TBC1D1: variants seen among roughly 807,000 people sequenced by gnomAD.
TBC1D1 encodes the protein TBC1 (tre-2/USP6, BUB2, cdc16) domain family, member 1.
In TBC1D1, 89 loss-of-function variants were observed where a neutral mutation model predicts 125.6. That is an observed-to-expected ratio of 0.71 (90% confidence interval 0.60 to 0.85). TBC1D1 has a LOEUF of 0.85. Among genes scored for constraint, TBC1D1 ranks in the 40% least tolerant of loss-of-function variants. TBC1D1 has a pLI of 0.00. For synonymous variants in TBC1D1, 565 were observed against 564.1 expected, an observed-to-expected ratio of 1.00 and a Z score of -0.02; for missense variants, 1,377 against 1,469.2, an observed-to-expected ratio of 0.94 and a Z score of 1.03.
rs1417288005 is a variant in TBC1D1, at chr4:38,139,137, A to G, written c.*1802A>G. 6.6e-6 allele frequency: 1 copy of G among 152,574 alleles called. No homozygotes were observed. The highest frequency in any genetic ancestry group is 1.5e-5 in the Non-Finnish European group (1 of 68,026). The allele number at this position is 152,574 out of a possible 1,614,324, so 9.5% of individuals were successfully genotyped here. A position where few individuals can be genotyped will look rare whatever the true frequency, so the allele number is the denominator to read the frequency against. On this transcript the variant is annotated 3_prime_UTR_variant, in exon 20 of 20. Coordinates refer to ENST00000261439, the MANE Select transcript of TBC1D1 (RefSeq NM_015173.4). ...ATTGACTCTGCATCAAGAAAGAAACAAGAAAGCAATAAAACAAGAAATAAT... is the reference window on the plus strand; with the variant it reads ...ATTGACTCTGCATCAAGAAAGAAACGAGAAAGCAATAAAACAAGAAATAAT...
At chr4:37,980,974 ACT>A (rs1734227957) in intron 2 of TBC1D1, among the ~76,000 whole-genome samples, 2 of 151,244 alleles carry the variant, frequency 1.3e-5, no homozygotes, top group Non-Finnish European at 2.9e-5. Flanking sequence ...CCTGAGTCTC[ACT>A]CTGTCGCCCA....
chr4:38,094,875 A>G (rs1759061214), intron 13 of TBC1D1, among the ~76,000 whole-genome samples: 1 of 149,304 alleles, frequency 6.7e-6, no homozygotes, highest in African/African-American at 2.5e-5. Flanking sequence ...CATAGCCCAA[A>G]TCACAGCCAA....
intron 12 of TBC1D1, among the ~76,000 whole-genome samples, 173 bp downstream of exon 14, chr4:38,054,511 G>A (rs908821215): frequency 3.9e-5 from 6 of 152,152 alleles, no homozygotes; most frequent in Non-Finnish European, 8.8e-5. Context: ...CATTTCTTAG[G>A]GAAGGAATTT....
intron 15 of TBC1D1, among the ~76,000 whole-genome samples, chr4:38,104,649 C>T (rs940328098): frequency 2.6e-5 from 4 of 152,158 alleles, no homozygotes; most frequent in African/African-American, 7.2e-5. Flanking sequence ...CCTGCAGCCA[C>T]GACAGAGGAT....
At chr4:38,009,348 G>A (rs1187612582) in intron 2 of TBC1D1, among the ~76,000 whole-genome samples, 3 of 152,090 alleles carry the variant, frequency 2.0e-5, no homozygotes, top group African/African-American at 2.4e-5. Context: ...ATCATATAAC[G>A]GGAAAAATGC....
At position 38,014,516 on chromosome 4, in the gene TBC1D1, A is replaced by G. The variant is rs763173371; in HGVS notation, c.425A>G (p.Glu142Gly). 3 of 1,611,850 alleles carry G rather than the reference A, an allele frequency of 1.9e-6. No homozygotes were observed. Among genetic ancestry groups the G allele is most frequent in the Non-Finnish European group, 2.5e-6 (3 of 1,178,948 alleles). Residue 142 changes from glutamate to glycine, a missense_variant, in exon 3 of 20, where the codon GAG becomes GGG. Around this residue, in one of 3 missense-constraint regions of TBC1D1, gnomAD observed 822 missense variants for 824.6 expected, o/e 1.00. Transcript: ENST00000261439. This position sits in a 1 kb window ranked among gnomAD's most constrained non-coding sequence, Gnocchi z 5.1. ...GCCTCTCTCTCTCCTCAGGTGCCTG[A>G]GATCATCAGCTCCATCCGTCAGGCG...
rs1317905653 is a variant in TBC1D1 at position 38,020,091 on chromosome 4, C to CT, written c.973-500_973-499insT. Reference sequence around the variant, plus strand: ...TTTTTCTTATTGTTGTGGGAGTAATCAAAGGAACATTCTAGTAAACCAACT... The same window carrying CT: ...TTTTTCTTATTGTTGTGGGAGTAATCTAAAGGAACATTCTAGTAAACCAACT... On this transcript the variant is annotated intron_variant, in intron 4 of 19. Coordinates refer to ENST00000261439, the MANE Select transcript of TBC1D1 (RefSeq NM_015173.4). Among the ~76,000 whole-genome samples, 4 of 152,094 alleles carry CT rather than the reference C, an allele frequency of 2.6e-5. 1 individual carries two copies. Among genetic ancestry groups the CT allele is most frequent in the Non-Finnish European group, 2.9e-5 (2 of 68,016 alleles).
chr4:38,087,338 A>G (rs1001486806), intron 12 of TBC1D1, among the ~76,000 whole-genome samples: 1 of 152,216 alleles, frequency 6.6e-6, no homozygotes, highest in Non-Finnish European at 1.5e-5. Context: ...CAGAGAGTAC[A>G]TGGATCTGGG....
intron 8 of TBC1D1, among the ~76,000 whole-genome samples, chr4:38,040,529 C>T (rs980423529): frequency 1.1e-4 from 17 of 152,132 alleles, no homozygotes; most frequent in Non-Finnish European, 4.4e-5. Flanking sequence ...CCTCGTGATC[C>T]GCCTGCCTTG....
At chr4:37,898,040 T>C (rs1362199208) in intron 1 of TBC1D1, among the ~76,000 whole-genome samples, 1 of 152,236 alleles carries the variant, frequency 6.6e-6, no homozygotes, top group African/African-American at 2.4e-5. Flanking sequence ...AAAAATTAGC[T>C]ATGAGTTATG....
intron 2 of TBC1D1, among the ~76,000 whole-genome samples, chr4:37,997,631 C>T (rs560416983): frequency 6.6e-6 from 1 of 152,156 alleles, no homozygotes; most frequent in African/African-American, 2.4e-5. Flanking sequence ...AAATAACATA[C>T]TGATAAGCCC....
intron 2 of TBC1D1, among the ~76,000 whole-genome samples, chr4:37,953,024 C>T (rs918496341): frequency 6.6e-6 from 1 of 152,126 alleles, no homozygotes; most frequent in African/African-American, 2.4e-5. Flanking sequence ...TTGGATATGC[C>T]GTGTATTGTC....
rs114644640 is a variant in TBC1D1 at position 38,058,297 on chromosome 4, A to T, written c.2050+3959A>T. Among the ~76,000 whole-genome samples, 918 of 152,252 alleles carry T rather than the reference A, an allele frequency of 6.0e-3. 5 individuals carry two copies. Among genetic ancestry groups the T allele is most frequent in the South Asian group, 0.013 (65 of 4,822 alleles). ...TCCACTGTGGTCTGTGACCACTTTG[A>T]CCCACACTAGCAGGTCTCCATATGT... is the stretch of plus-strand genomic sequence containing the variant. On this transcript the variant is annotated intron_variant, in intron 12 of 19. Transcript: ENST00000261439.
At chr4:38,026,442 A>G (rs1384373819) in intron 6 of TBC1D1, among the ~76,000 whole-genome samples, 1 of 152,204 alleles carries the variant, frequency 6.6e-6, no homozygotes, top group African/African-American at 2.4e-5. Context: ...CATCTGTAAA[A>G]TGAAGGCATG....
chr4:38,106,900 G>A (rs1229409190), intron 15 of TBC1D1, among the ~76,000 whole-genome samples: 1 of 152,112 alleles, frequency 6.6e-6, no homozygotes, highest in African/African-American at 2.4e-5. Flanking sequence ...CATGAGGTCT[G>A]TGGGAGCCCG....
At chr4:38,032,853 AAAAAG>A (rs1410751660) in intron 7 of TBC1D1, among the ~76,000 whole-genome samples, 2 of 152,008 alleles carry the variant, frequency 1.3e-5, no homozygotes, top group African/African-American at 2.4e-5. Flanking sequence ...AAAAAAAAAA[AAAAAG>A]AAAGAAAGAA....
chr4:38,054,008 A>G (rs28380558), intron 11 of TBC1D1, among the ~76,000 whole-genome samples, 191 bp from the exon 14 acceptor site: 6,951 of 152,330 alleles, frequency 0.046, 454 homozygotes, highest in African/African-American at 0.14. Flanking sequence ...CTTTTCATGA[A>G]AAGAATTCTG....
intron 2 of TBC1D1, among the ~76,000 whole-genome samples, chr4:37,983,414 C>A (rs1407090837): frequency 6.6e-6 from 1 of 152,114 alleles, no homozygotes; most frequent in Non-Finnish European, 1.5e-5. Context: ...TGTCCGCCAT[C>A]CCTCCCCCAA....
chr4:37,923,486 G>A (rs1301612316), intron 2 of TBC1D1, among the ~76,000 whole-genome samples: 2 of 152,072 alleles, frequency 1.3e-5, no homozygotes, highest in Non-Finnish European at 2.9e-5. Flanking sequence ...GGATTGCTGG[G>A]TCAAGCAAGG....
Sources: gnomAD v4.1 joint callset for allele counts (sites outside exome capture counted in the v4.1 genomes callset) on GRCh38, gnomAD v4.1.1 for gene constraint, gnomAD v4.1.1 regional missense constraint, Gnocchi (gnomAD v3.1) non-coding constraint, MANE v1.5 for transcripts, NCBI Gene and HGNC (gene_info 2026-07-23, HGNC 2026-07-21) for gene names.